NDUFA10: variants seen among roughly 807,000 people sequenced by gnomAD.
NDUFA10 encodes the protein NADH:ubiquinone oxidoreductase subunit A10, also known as NADH dehydrogenase [ubiquinone] 1 alpha subcomplex subunit 10, mitochondrial.
A neutral mutation model predicts 47.8 loss-of-function variants in NDUFA10; 40 were observed. That is an observed-to-expected ratio of 0.84 (90% CI 0.65 to 1.09). NDUFA10 has a LOEUF of 1.09. Ranked by LOEUF, NDUFA10 falls within the 50% of genes least tolerant of loss-of-function variation. NDUFA10 has a pLI of 0.00. For missense variants in NDUFA10, 413 were observed against 451.1 expected (o/e 0.92, Z 0.76); for synonymous variants, 183 against 172.2 (o/e 1.06, Z -0.49).
At chr2:239,910,633 G>A (rs1473293065) in intron 4 of NDUFA10, among the ~76,000 whole-genome samples, 3 of 152,044 alleles carry the variant, frequency 2.0e-5, no homozygotes, top group Non-Finnish European at 4.4e-5. Context: ...TGGGTGATGG[G>A]ATGATGTGTG....
intron 4 of NDUFA10, chr2:239,942,951 G>T (rs951107078): frequency 2.7e-4 from 41 of 154,438 alleles, no homozygotes; most frequent in African/African-American, 8.6e-4. Flanking sequence ...GGCAGGAGGA[G>T]CTCAGCCGAA....
At chr2:240,000,338 C>T (rs953579708) in intron 8 of NDUFA10, among the ~76,000 whole-genome samples, 10 of 152,300 alleles carry the variant, frequency 6.6e-5, no homozygotes, top group African/African-American at 2.2e-4. Flanking sequence ...GACAGTGATA[C>T]AGATGCTCCC....
intron 4 of NDUFA10, among the ~76,000 whole-genome samples, chr2:239,940,245 C>T (rs1357154371): frequency 1.3e-5 from 2 of 152,224 alleles, no homozygotes; most frequent in Non-Finnish European, 2.9e-5. Context: ...TTTACAAAAA[C>T]AGGTGGTGAG....
At chr2:239,938,401 G>A (rs73005520) in intron 4 of NDUFA10, among the ~76,000 whole-genome samples, 5 of 152,238 alleles carry the variant, frequency 3.3e-5, no homozygotes, top group South Asian at 2.1e-4. Flanking sequence ...GGCAGCCACC[G>A]ACACACACGG....
chr2:239,954,499 C>T (rs1694614767), downstream of NDUFA10, among the ~76,000 whole-genome samples: 1 of 152,262 alleles, frequency 6.6e-6, no homozygotes, highest in Non-Finnish European at 1.5e-5. Context: ...GTGAAGCTCC[C>T]TGACAACCAG....
rs1414737378 is a variant in NDUFA10 at position 239,928,943 on chromosome 2, C to T, written c.295-33629G>A. 1.3e-5 allele frequency among the ~76,000 whole-genome samples: 2 copies of T among 152,224 alleles called. No homozygotes were observed. Among genetic ancestry groups the T allele is most frequent in the African/African-American group, 2.4e-5 (1 of 41,464 alleles). On this transcript the variant is annotated intron_variant, in intron 4 of 5. Coordinates refer to the NDUFA10 transcript ENST00000419408. The surrounding 1 kb of genome is among the most constrained non-coding windows in gnomAD (Gnocchi z 4.3). Reference sequence around the variant, plus strand: ...CCCGCGGCCACCCGGATCCCACTCCCGAGGTCAGGAGCCCCCGACTCTTCC... The same window carrying T: ...CCCGCGGCCACCCGGATCCCACTCCTGAGGTCAGGAGCCCCCGACTCTTCC...
At chr2:239,932,972 G>A (rs1420595926) in intron 4 of NDUFA10, among the ~76,000 whole-genome samples, 1 of 152,184 alleles carries the variant, frequency 6.6e-6, no homozygotes, top group Non-Finnish European at 1.5e-5. Flanking sequence ...CACCGTACAC[G>A]CTAGAAGCAG....
At chr2:240,003,419 A>G (rs6714239) in intron 8 of NDUFA10, among the ~76,000 whole-genome samples, 17,998 of 152,288 alleles carry the variant, frequency 0.12, 1,252 homozygotes, top group South Asian at 0.16. Flanking sequence ...TTGTGCCTCC[A>G]GGCCCTCGAG....
At chr2:239,983,416 C>A in intron 9 of NDUFA10, 1 of 1,456,400 alleles carries the variant, frequency 6.9e-7, no homozygotes, top group Non-Finnish European at 9.2e-7. Flanking sequence ...CAGAAATGGT[C>A]ATTATTATTT....
intron 3 of NDUFA10, among the ~76,000 whole-genome samples, chr2:240,020,815 A>G (rs1697588982): frequency 6.6e-6 from 1 of 152,206 alleles, no homozygotes; most frequent in Non-Finnish European, 1.5e-5. Context: ...GTTGGCATCC[A>G]CATCTCTGTC....
At chr2:239,909,607 C>T (rs1693714330) in intron 4 of NDUFA10, among the ~76,000 whole-genome samples, 1 of 151,944 alleles carries the variant, frequency 6.6e-6, no homozygotes, top group Non-Finnish European at 1.5e-5. Context: ...AGCAAGACTC[C>T]ATCTCAAAAA....
chr2:239,924,206 T>A (rs1694034357), intron 4 of NDUFA10, among the ~76,000 whole-genome samples: 1 of 152,128 alleles, frequency 6.6e-6, no homozygotes, highest in Admixed American at 6.5e-5. Flanking sequence ...TTTATGCGAC[T>A]GGTATTACCT....
chr2:239,956,191 CA>C (rs1694648905), downstream of NDUFA10, among the ~76,000 whole-genome samples: 1 of 152,202 alleles, frequency 6.6e-6, no homozygotes, highest in Admixed American at 6.5e-5. Context: ...GCTGCGTCCC[CA>C]GGGGCTCCAG....
chr2:239,899,010 T>A (rs111768116), intron 4 of NDUFA10, among the ~76,000 whole-genome samples: 4 of 101,086 alleles, frequency 4.0e-5, no homozygotes, highest in Admixed American at 1.0e-4. Flanking sequence ...AGAGGTGTGA[T>A]GGAGGGGAGT....
rs1377898081 is a variant in NDUFA10, at chr2:239,959,165, A to G, written c.*1953T>C. The G allele has an allele frequency of 3.0e-6, 3 of 985,340 alleles. No homozygotes were observed. The allele number at this position is 985,340 out of a possible 1,614,324, so 61.0% of individuals were successfully genotyped here. On this transcript the variant is annotated 3_prime_UTR_variant, in exon 10 of 10. Transcript: ENST00000252711. ...CTACAAATTACATACTTCCCACTCC[A>G]TCAAGGGAATGCAACCACACAGGGT... is the stretch of plus-strand genomic sequence containing the variant.
chr2:240,025,298 C>T lies in NDUFA10; in HGVS notation c.4G>A (p.Ala2Thr), dbSNP rs982197893. 1.3e-6 allele frequency: 2 copies of T among 1,505,956 alleles called. No individual in the cohort carries two copies. The highest frequency in any genetic ancestry group is 1.2e-5 in the South Asian group (1 of 80,062). The allele number at this position is 1,505,956 out of a possible 1,614,324, so 93.3% of individuals were successfully genotyped here. Residue 2 changes from alanine to threonine, a missense_variant, in exon 1 of 10, where the codon GCC becomes ACC. Transcript: ENST00000252711. ...GCTGCCAGCTTCAGGAGCCGCAAGG[C>T]CATGGCTACCCGGTCAGCTCAGGAT... M[A>T]LRLLKLAATS...
At position 239,959,010 on chromosome 2, in the gene NDUFA10, G is replaced by A. The variant is rs757816596; in HGVS notation, c.*2108C>T. ...TACTGCTCTGAAATAAGGAAATCGG[G>A]GCATCTCCTCACCTCTTCTTGAGGC... On this transcript the variant is annotated 3_prime_UTR_variant, in exon 10 of 10. Coordinates refer to ENST00000252711, the MANE Select transcript of NDUFA10 (RefSeq NM_004544.4). 4.1e-6 allele frequency: 4 copies of A among 985,414 alleles called. No homozygotes were observed. Among genetic ancestry groups the A allele is most frequent in the Non-Finnish European group, 4.8e-6 (4 of 829,942 alleles). The allele number at this position is 985,414 out of a possible 1,614,324, so 61.0% of individuals were successfully genotyped here.
chr2:240,007,292 T>A (rs753137466), intron 7 of NDUFA10, 24 bp downstream of exon 7: 19 of 1,539,036 alleles, frequency 1.2e-5, no homozygotes, highest in Non-Finnish European at 1.7e-5. Context: ...GGAATAACTT[T>A]CAACTTTTCA....
chr2:240,008,629 G>T (rs1307490982), intron 6 of NDUFA10, among the ~76,000 whole-genome samples: 1 of 152,190 alleles, frequency 6.6e-6, no homozygotes. Flanking sequence ...AATATGAAAG[G>T]TCACAAACTA....
Sources: gnomAD v4.1 joint callset for allele counts (sites outside exome capture counted in the v4.1 genomes callset) on GRCh38, gnomAD v4.1.1 for gene constraint, Gnocchi (gnomAD v3.1) non-coding constraint, MANE v1.5 for transcripts, NCBI Gene and HGNC (gene_info 2026-07-23, HGNC 2026-07-21) for gene names.